TPPP: variants seen among roughly 807,000 people sequenced by gnomAD.
TPPP encodes the protein tubulin polymerization-promoting protein.
TPPP carries 6 observed loss-of-function variants against 15.5 expected under a neutral mutation model. The observed-to-expected ratio is 0.39, with a 90% CI of 0.21 to 0.77. TPPP has a LOEUF of 0.77. TPPP is among the 30% of genes least tolerant of loss of function. TPPP has a pLI of 0.42. For missense variants in TPPP, 269 were observed against 307.2 expected (o/e 0.88, Z 0.93); for synonymous variants, 146 against 133.9 (o/e 1.09, Z -0.63).
At chr5:681,733 C>T (rs1007300179) in intron 1 of TPPP, among the ~76,000 whole-genome samples, 18 of 152,094 alleles carry the variant, frequency 1.2e-4, no homozygotes, top group African/African-American at 4.3e-4. Flanking sequence ...GGCTCACCCA[C>T]GGGTGTGGGC....
chr5:668,406 GCA>G, intron 2 of TPPP, among the ~76,000 whole-genome samples: 1 of 116,408 alleles, frequency 8.6e-6, no homozygotes. Flanking sequence ...GTACCGACAA[GCA>G]CACAGAGAGG....
intron 1 of TPPP, among the ~76,000 whole-genome samples, chr5:685,946 CG>C (rs1034019579): frequency 6.6e-6 from 1 of 152,172 alleles, no homozygotes; most frequent in African/African-American, 2.4e-5. Context: ...CCACAGACGC[CG>C]GGGCTGCCAG....
intron 1 of TPPP, among the ~76,000 whole-genome samples, chr5:678,808 T>A (rs1198046918): frequency 3.3e-5 from 5 of 152,294 alleles, no homozygotes; most frequent in Admixed American, 6.5e-5. Flanking sequence ...AGTAGGCGGC[T>A]GGGCCATGGG....
Position 665,389 on chromosome 5 carries a change from G to A in TPPP, c.466-93C>T, listed in dbSNP as rs1450278615. On this transcript the variant is annotated intron_variant, in intron 3 of 3. Coordinates refer to ENST00000360578, the MANE Select transcript of TPPP (RefSeq NM_007030.3). ...CTGTGCCCTGGGCAGGTCTCCCAGC[G>A]GTGGGGCACTGGGCAAGGGGCATAA... 61 of 1,219,798 alleles carry A rather than the reference G, an allele frequency of 5.0e-5. No individual in the cohort carries two copies. The Middle Eastern group carries it at 1.4e-3, about 27-fold the overall frequency. The allele number at this position is 1,219,798 out of a possible 1,614,324, so 75.6% of individuals were successfully genotyped here.
Position 667,845 on chromosome 5 carries a change from C to T in TPPP, c.312-1722G>A, listed in dbSNP as rs1464101940. On this transcript the variant is annotated intron_variant, in intron 2 of 3. Coordinates refer to ENST00000360578, the MANE Select transcript of TPPP (RefSeq NM_007030.3). ...ACAGACAAGCACACGGAGAGGGGTC[C>T]GCGTGGGCGCCGTCAGGGAAGTACC... 4.8e-4 allele frequency among the ~76,000 whole-genome samples: 71 copies of T among 147,356 alleles called. 1 individual carries two copies. The highest frequency in any genetic ancestry group is 1.1e-3 in the African/African-American group (43 of 38,872).
At chr5:677,627 G>C (rs886372754) in intron 2 of TPPP, 123 bp downstream of exon 2, 5 of 881,700 alleles carry the variant, frequency 5.7e-6, no homozygotes, top group African/African-American at 5.2e-5. Flanking sequence ...TGAGAAGGGC[G>C]GGGTCTTGAA....
At chr5:668,435 G>A (rs112913474) in intron 2 of TPPP, among the ~76,000 whole-genome samples, 3 of 125,260 alleles carry the variant, frequency 2.4e-5, no homozygotes, top group Non-Finnish European at 5.5e-5. Context: ...CGTGGGCGCC[G>A]TCAGGGAAGT....
intron 2 of TPPP, among the ~76,000 whole-genome samples, chr5:671,257 G>T (rs1480827390): frequency 1.3e-5 from 2 of 152,150 alleles, no homozygotes; most frequent in African/African-American, 4.8e-5. Context: ...GAGGGGCGGG[G>T]GTGGGGCGTG....
upstream of TPPP, among the ~76,000 whole-genome samples, chr5:693,559 T>C (rs1740956302): frequency 6.6e-6 from 1 of 151,274 alleles, no homozygotes; most frequent in Admixed American, 6.6e-5. Flanking sequence ...CCGACTCTGC[T>C]CAGGCCCCGC....
In TPPP at chr5:664,362, AAAGC is replaced by A. The variant is rs1208832498; in HGVS notation, c.*736_*739del. 1.3e-5 allele frequency: 2 copies of A among 152,378 alleles called. No homozygotes were observed. The highest frequency in any genetic ancestry group is 4.8e-5 in the African/African-American group (2 of 41,462). The allele number at this position is 152,378 out of a possible 1,614,324, so 9.4% of individuals were successfully genotyped here. A position where few individuals can be genotyped will look rare whatever the true frequency, so the allele number is the denominator to read the frequency against. On this transcript the variant is annotated 3_prime_UTR_variant, in exon 4 of 4. Coordinates refer to ENST00000360578, the MANE Select transcript of TPPP (RefSeq NM_007030.3). ...TAGGCAGCCACCGCATCTTCTCAGG[AAAGC>A]AAAGCGAGCCTACTCTACCCTCACA...
the TPPP span, among the ~76,000 whole-genome samples, chr5:699,154 A>G: frequency 2.0e-5 from 3 of 152,022 alleles, no homozygotes; most frequent in Non-Finnish European, 4.4e-5. Context: ...ATTCACATGG[A>G]ACCCAAAAAG....
At chr5:700,441 G>A in the TPPP span, among the ~76,000 whole-genome samples, 2 of 151,988 alleles carry the variant, frequency 1.3e-5, no homozygotes, top group Non-Finnish European at 2.9e-5. Context: ...TCCAAAAGGT[G>A]GGAGGGTGGA....
At chr5:692,991 G>T (rs1412323541) in intron 1 of TPPP, among the ~76,000 whole-genome samples, 1 of 151,204 alleles carries the variant, frequency 6.6e-6, no homozygotes, top group African/African-American at 2.4e-5. Flanking sequence ...CAGGCACAGG[G>T]CCCGGAGACG....
rs540813608 is a variant in TPPP, at chr5:668,605, A to G, written c.312-2482T>C. Among the ~76,000 whole-genome samples, 60 of 152,306 alleles carry G rather than the reference A, an allele frequency of 3.9e-4. 1 individual carries two copies. The highest frequency in any genetic ancestry group is 3.8e-4 in the Non-Finnish European group (26 of 68,014). On this transcript the variant is annotated intron_variant, in intron 2 of 3. Transcript: ENST00000360578. ...GCCGCGGGGTGGGGGCCTCGTCCAC[A>G]CCCGGCCGAGCAACGCGGCAGAGCC...
Position 664,986 on chromosome 5 carries a change from C to G in TPPP, c.*116G>C. On this transcript the variant is annotated 3_prime_UTR_variant, in exon 4 of 4. Coordinates refer to ENST00000360578, the MANE Select transcript of TPPP (RefSeq NM_007030.3). ...CCTGGGCCTGGCCGCCCCCCAGCCC[C>G]CTCTGGGGCACCCGTCTGAGTTCTG... 7.6e-7 allele frequency: 1 copy of G among 1,315,296 alleles called. No homozygotes were observed. Among genetic ancestry groups the G allele is most frequent in the Non-Finnish European group, 1.0e-6 (1 of 960,948 alleles). 81.5% of individuals were successfully genotyped at this position (1,315,296 alleles called of 1,614,324 possible). A position where few individuals can be genotyped will look rare whatever the true frequency, so the allele number is the denominator to read the frequency against.
At position 660,960 on chromosome 5, in the gene TPPP, T is replaced by TA. The variant is rs1739567345; in HGVS notation, c.*4141_*4142insT. 1 of 152,276 alleles carries TA rather than the reference T, an allele frequency of 6.6e-6. No individual in the cohort carries two copies. Among genetic ancestry groups the TA allele is most frequent in the African/African-American group, 2.4e-5 (1 of 41,440 alleles). The allele number at this position is 152,276 out of a possible 1,614,324, so 9.4% of individuals were successfully genotyped here. The stretch of plus-strand genomic sequence containing the variant: ...CAAACTTGGACAGGATATTAGAAGG[T>TA]GTAAAAGTAGTCCAGTATAAATATA... On this transcript the variant is annotated 3_prime_UTR_variant, in exon 4 of 4. Transcript: ENST00000360578.
intron 2 of TPPP, among the ~76,000 whole-genome samples, chr5:670,824 C>T (rs1250031649): frequency 1.3e-5 from 2 of 152,214 alleles, no homozygotes; most frequent in Non-Finnish European, 2.9e-5. Context: ...CCTCCAGGCC[C>T]TGCCTATTCT....
At chr5:693,624 A>T (rs1328462907), upstream of TPPP, among the ~76,000 whole-genome samples, 1 of 151,504 alleles carries the variant, frequency 6.6e-6, no homozygotes, top group Admixed American at 6.6e-5. Flanking sequence ...GGTCGTGGGA[A>T]CCGCTGGGCA....
intron 1 of TPPP, among the ~76,000 whole-genome samples, chr5:679,498 G>A (rs1451009581): frequency 1.3e-5 from 2 of 151,836 alleles, no homozygotes; most frequent in African/African-American, 4.9e-5. Flanking sequence ...CAGTTTTATC[G>A]CTGACACCAT....
Sources: gnomAD v4.1 joint callset for allele counts (sites outside exome capture counted in the v4.1 genomes callset) on GRCh38, gnomAD v4.1.1 for gene constraint, MANE v1.5 for transcripts, NCBI Gene and HGNC (gene_info 2026-07-23, HGNC 2026-07-21) for gene names.